NSRP1: variants seen among roughly 807,000 people sequenced by gnomAD.
NSRP1 encodes nuclear speckle splicing regulatory protein 1.
NSRP1 carries 24 observed loss-of-function variants against 54.7 expected under a neutral mutation model. The observed-to-expected ratio is 0.44, with a 90% CI of 0.32 to 0.62. NSRP1 has a LOEUF of 0.62. Among genes scored for constraint, NSRP1 ranks in the 20% least tolerant of loss-of-function variants. NSRP1 has a pLI of 0.06. For synonymous variants in NSRP1, 210 were observed against 213.8 expected (o/e 0.98, Z 0.15); for missense variants, 596 against 651.2 (o/e 0.92, Z 0.92).
At chr17:30,123,682 G>A (rs1441677752) in intron 2 of NSRP1, among the ~76,000 whole-genome samples, 1 of 151,614 alleles carries the variant, frequency 6.6e-6, no homozygotes, top group Non-Finnish European at 1.5e-5. Context: ...TAAGAATTTT[G>A]TTGTTTTAGT....
At chr17:30,140,295 C>A (rs2071791420) in intron 2 of NSRP1, among the ~76,000 whole-genome samples, 1 of 152,060 alleles carries the variant, frequency 6.6e-6, no homozygotes, top group Admixed American at 6.6e-5. Flanking sequence ...TTAAAATTTT[C>A]TCTTGTAATT....
At chr17:30,140,609 A>G (rs2071796064) in intron 2 of NSRP1, among the ~76,000 whole-genome samples, 1 of 138,566 alleles carries the variant, frequency 7.2e-6, no homozygotes, top group Non-Finnish European at 1.5e-5. Context: ...GCTCACTGCA[A>G]CCCTTGCCTC....
chr17:30,181,218 A>C (rs1215844167), intron 6 of NSRP1, among the ~76,000 whole-genome samples: 1 of 152,148 alleles, frequency 6.6e-6, no homozygotes, highest in Non-Finnish European at 1.5e-5. Context: ...GATCATTTTT[A>C]TTCTGCATTT....
chr17:30,164,021 G>C (rs1904639546), intron 2 of NSRP1, among the ~76,000 whole-genome samples: 1 of 145,626 alleles, frequency 6.9e-6, no homozygotes, highest in Admixed American at 6.7e-5. Flanking sequence ...ATGTGTATGT[G>C]TGTGTGTGCG....
At chr17:30,146,543 TA>T (rs1341180851) in intron 2 of NSRP1, among the ~76,000 whole-genome samples, 2 of 152,146 alleles carry the variant, frequency 1.3e-5, no homozygotes, top group African/African-American at 4.8e-5. Context: ...CTTTATGAGG[TA>T]ATTTTTTACC....
At chr17:30,136,729 A>C (rs1187306463) in intron 2 of NSRP1, among the ~76,000 whole-genome samples, 1 of 152,210 alleles carries the variant, frequency 6.6e-6, no homozygotes, top group Non-Finnish European at 1.5e-5. Flanking sequence ...AAACAGGCAG[A>C]AAGTTTAAAT....
chr17:30,166,784 C>T (rs1477622747), intron 2 of NSRP1, among the ~76,000 whole-genome samples: 1 of 151,974 alleles, frequency 6.6e-6, no homozygotes, highest in Non-Finnish European at 1.5e-5. Flanking sequence ...AAATTAGCCA[C>T]GCATGGTGGC....
At chr17:30,147,516 G>A (rs565893742) in intron 2 of NSRP1, among the ~76,000 whole-genome samples, 3 of 151,136 alleles carry the variant, frequency 2.0e-5, no homozygotes, top group Admixed American at 1.3e-4. Context: ...CCAGGCTGGA[G>A]CGCAGTGGCC....
chr17:30,156,511 TG>T (rs2071963855), intron 2 of NSRP1: 1 of 151,900 alleles, frequency 6.6e-6, no homozygotes, highest in Non-Finnish European at 1.5e-5. Context: ...GTAAGTGACA[TG>T]ATTCCATTCT....
At chr17:30,164,923 T>C (rs759823544) in intron 2 of NSRP1, among the ~76,000 whole-genome samples, 1 of 152,234 alleles carries the variant, frequency 6.6e-6, no homozygotes, top group Non-Finnish European at 1.5e-5. Flanking sequence ...AATGACTTTA[T>C]TGTGTGGTTT....
In NSRP1 at chr17:30,186,300, C is replaced by T. The variant is rs1308207315; in HGVS notation, c.*626C>T. 6.6e-6 allele frequency: 1 copy of T among 151,992 alleles called. No individual in the cohort carries two copies. The highest frequency in any genetic ancestry group is 1.9e-4 in the East Asian group (1 of 5,196). The allele number at this position is 151,992 out of a possible 1,614,324, so 9.4% of individuals were successfully genotyped here. The stretch of plus-strand genomic sequence containing the variant: ...TTTTTAAATAAATAATTTAACTCTT[C>T]TAATAATGTTTTGTTGCAGGAAATG... On this transcript the variant is annotated 3_prime_UTR_variant, in exon 7 of 7. Transcript: ENST00000247026.
In NSRP1 at chr17:30,178,058, AT is replaced by A. The variant is rs546036252; in HGVS notation, c.172-4del. Reference sequence around the variant, plus strand: ...GGCTCATATTTTTGAAACATGTTTAATTTTTTTTTAAGACCAAACTGGAAAT... The same window carrying A: ...GGCTCATATTTTTGAAACATGTTTAATTTTTTTTAAGACCAAACTGGAAAT... On this transcript the variant is annotated splice_polypyrimidine_tract_variant and intron_variant, in intron 3 of 6. Transcript: ENST00000247026. 835 of 1,598,700 alleles carry A rather than the reference AT, an allele frequency of 5.2e-4. 1 individual carries two copies. Among genetic ancestry groups the A allele is most frequent in the Non-Finnish European group, 6.7e-4 (781 of 1,169,374 alleles).
intron 2 of NSRP1, among the ~76,000 whole-genome samples, chr17:30,152,625 C>T (rs1306547159): frequency 2.0e-5 from 3 of 151,860 alleles, no homozygotes; most frequent in Non-Finnish European, 4.4e-5. Context: ...CATTCTTTTG[C>T]ATATGTATAT....
intron 2 of NSRP1, among the ~76,000 whole-genome samples, chr17:30,171,932 TCTCACA>T (rs1033071432): frequency 2.2e-5 from 2 of 92,156 alleles, no homozygotes; most frequent in African/African-American, 4.3e-5. Flanking sequence ...TTTCCCCATT[TCTCACA>T]CACACACACA....
chr17:30,165,848 A>G (rs149055645), intron 2 of NSRP1, among the ~76,000 whole-genome samples: 122 of 152,352 alleles, frequency 8.0e-4, no homozygotes, highest in African/African-American at 2.8e-3. Context: ...TTAAATATTC[A>G]GCAGAATAGA....
chr17:30,124,246 G>C (rs1462320764), intron 2 of NSRP1, among the ~76,000 whole-genome samples: 1 of 152,220 alleles, frequency 6.6e-6, no homozygotes, highest in Non-Finnish European at 1.5e-5. Context: ...CTGGGCAACA[G>C]AGGGAGATCC....
At chr17:30,135,650 A>G in intron 2 of NSRP1, among the ~76,000 whole-genome samples, 1 of 149,008 alleles carries the variant, frequency 6.7e-6, no homozygotes, top group Non-Finnish European at 1.5e-5. Flanking sequence ...ATTTTTTTGT[A>G]TTTTTAGTAG....
At chr17:30,145,342 T>C (rs150750145) in intron 2 of NSRP1, among the ~76,000 whole-genome samples, 1 of 152,144 alleles carries the variant, frequency 6.6e-6, no homozygotes, top group South Asian at 2.1e-4. Flanking sequence ...CCCAGCACTT[T>C]GGGAGGCCAA....
chr17:30,136,005 G>A (rs2071748044), intron 2 of NSRP1, among the ~76,000 whole-genome samples: 1 of 151,920 alleles, frequency 6.6e-6, no homozygotes, highest in African/African-American at 2.4e-5. Flanking sequence ...CTGAGGTCAG[G>A]AGTTTGAGAC....
Sources: gnomAD v4.1 joint callset for allele counts (sites outside exome capture counted in the v4.1 genomes callset) on GRCh38, gnomAD v4.1.1 for gene constraint, MANE v1.5 for transcripts, NCBI Gene and HGNC (gene_info 2026-07-23, HGNC 2026-07-21) for gene names.